The following ZFAT variants were observed in gnomAD, a reference collection of about 807,000 sequenced individuals.
ZFAT encodes the protein zinc finger protein ZFAT.
ZFAT carries 64 observed loss-of-function variants against 117.7 expected under a neutral mutation model. The ratio of observed to expected loss-of-function variants is 0.54; its 90% CI spans 0.44 to 0.67. The LOEUF is 0.67. Among genes scored for constraint, ZFAT ranks in the 30% least tolerant of loss-of-function variants. The pLI is 0.00. For synonymous variants in ZFAT, 679 were observed against 615.0 expected (o/e 1.10, Z -1.54); for missense variants, 1,433 against 1,584.5 (o/e 0.90, Z 1.62).
At chr8:134,740,867 A>C in the ZFAT span, among the ~76,000 whole-genome samples, 6 of 152,284 alleles carry the variant, frequency 3.9e-5, no homozygotes, top group East Asian at 1.2e-3. Context: ...GAGCCCCATA[A>C]CATAAGATGA....
chr8:134,546,755 T>C (rs1822728212), intron 11 of ZFAT, among the ~76,000 whole-genome samples: 1 of 152,242 alleles, frequency 6.6e-6, no homozygotes, highest in South Asian at 2.1e-4. Flanking sequence ...AATCTAGCTC[T>C]ACTGTCTAAC....
intron 15 of ZFAT, among the ~76,000 whole-genome samples, chr8:134,498,024 T>C (rs1187729667): frequency 7.5e-6 from 1 of 132,628 alleles, no homozygotes; most frequent in African/African-American, 3.0e-5. Context: ...TTTGGTAGGG[T>C]TGGGGTGGAG....
chr8:134,496,481 T>C lies in ZFAT; in HGVS notation c.3492+13138A>G, dbSNP rs966129320. On this transcript the variant is annotated intron_variant, in intron 15 of 15. Coordinates refer to ENST00000377838, the MANE Select transcript of ZFAT (RefSeq NM_020863.4). ...CTCTGTCCCAGAGGCCTGCAGCTCC[T>C]GTGGTAGGGTATGCACTGCCAGCCT... 7.9e-4 allele frequency among the ~76,000 whole-genome samples: 120 copies of C among 152,232 alleles called. 2 individuals carry two copies. The highest frequency in any genetic ancestry group is 2.7e-3 in the African/African-American group (114 of 41,456).
chr8:134,610,777 G>T, intron 3 of ZFAT, 122 bp from the exon 4 acceptor site: 2 of 1,102,376 alleles, frequency 1.8e-6, no homozygotes, highest in Admixed American at 4.9e-5. Context: ...GCAGTGCCAC[G>T]CAGACCACGG....
At position 134,501,062 on chromosome 8, in the gene ZFAT, T is replaced by C. The variant is rs144255817; in HGVS notation, c.3492+8557A>G. Reference sequence around the variant, plus strand: ...GTTGTCATTACAGTAAGGGCTAGGATATAGGGAAAAAAACAAAGTCATCAG... The same window carrying C: ...GTTGTCATTACAGTAAGGGCTAGGACATAGGGAAAAAAACAAAGTCATCAG... On this transcript the variant is annotated intron_variant, in intron 15 of 15. Coordinates refer to ENST00000377838, the MANE Select transcript of ZFAT (RefSeq NM_020863.4). Among the ~76,000 whole-genome samples, 220 of 152,200 alleles carry C rather than the reference T, an allele frequency of 1.4e-3. 7 individuals carry two copies. In the East Asian group the frequency reaches 0.035, roughly 24 times the overall value.
intron 3 of ZFAT, among the ~76,000 whole-genome samples, chr8:134,621,121 C>T (rs1217677652): frequency 6.6e-6 from 1 of 150,614 alleles, no homozygotes; most frequent in East Asian, 1.9e-4. Flanking sequence ...AGATCAATAG[C>T]TGAAATCTGT....
chr8:134,531,861 A>G lies in ZFAT; in HGVS notation c.3115+973T>C, dbSNP rs115573969. Among the ~76,000 whole-genome samples, 1,242 of 152,356 alleles carry G rather than the reference A, an allele frequency of 8.2e-3. 18 individuals carry two copies. Among genetic ancestry groups the G allele is most frequent in the African/African-American group, 0.028 (1,184 of 41,582 alleles). The stretch of plus-strand genomic sequence containing the variant: ...CATTAAGATGCATTTCATGGCTATT[A>G]CAGCGAGCGGAGCTTCACGCTGAAA... On this transcript the variant is annotated intron_variant, in intron 12 of 15. Coordinates refer to ENST00000377838, the MANE Select transcript of ZFAT (RefSeq NM_020863.4).
At chr8:134,573,179 G>A (rs1825053599) in intron 10 of ZFAT, among the ~76,000 whole-genome samples, 1 of 152,178 alleles carries the variant, frequency 6.6e-6, no homozygotes, top group South Asian at 2.1e-4. Flanking sequence ...CAGTTACACA[G>A]GTGTGCCTCC....
chr8:134,684,244 A>T (rs1833207498), intron 1 of ZFAT, among the ~76,000 whole-genome samples: 1 of 152,172 alleles, frequency 6.6e-6, no homozygotes, highest in Non-Finnish European at 1.5e-5. Flanking sequence ...AGTGGATGAC[A>T]ATTAGTGTGA....
At chr8:134,665,636 G>A (rs1832174894) in intron 1 of ZFAT, among the ~76,000 whole-genome samples, 1 of 152,182 alleles carries the variant, frequency 6.6e-6, no homozygotes, top group South Asian at 2.1e-4. Context: ...CAAAACAGCA[G>A]TCTATAGAAT....
At chr8:134,828,932 G>A in the ZFAT span, among the ~76,000 whole-genome samples, 6 of 152,158 alleles carry the variant, frequency 3.9e-5, no homozygotes, top group African/African-American at 9.7e-5. Context: ...TCAAGGTAAC[G>A]GTTTTTACTG....
At chr8:134,480,398 T>C (rs1817215783) in intron 15 of ZFAT, among the ~76,000 whole-genome samples, 1 of 152,238 alleles carries the variant, frequency 6.6e-6, no homozygotes, top group Non-Finnish European at 1.5e-5. Flanking sequence ...GGCAGGACCA[T>C]GTCTGCCTGG....
At chr8:134,528,670 C>A (rs1394049127) in intron 12 of ZFAT, among the ~76,000 whole-genome samples, 1 of 152,172 alleles carries the variant, frequency 6.6e-6, no homozygotes, top group East Asian at 1.9e-4. Flanking sequence ...AGTTACCCAC[C>A]CTTACACTTC....
chr8:134,678,640 A>C (rs1175475794), intron 1 of ZFAT, among the ~76,000 whole-genome samples: 1 of 152,214 alleles, frequency 6.6e-6, no homozygotes, highest in Non-Finnish European at 1.5e-5. Context: ...AATCCTAAGC[A>C]AAAAGAACAA....
intron 12 of ZFAT, among the ~76,000 whole-genome samples, chr8:134,531,016 A>C (rs951303733): frequency 4.6e-5 from 7 of 152,150 alleles, no homozygotes; most frequent in African/African-American, 1.7e-4. Flanking sequence ...GTGAATATAT[A>C]TCTGTGTGTG....
the ZFAT span, chr8:134,723,947 A>G: frequency 4.6e-5 from 7 of 152,268 alleles, no homozygotes; most frequent in African/African-American, 9.6e-5. Context: ...GTCTCACATA[A>G]AAGAGGTGAT....
At chr8:134,819,871 A>G in the ZFAT span, among the ~76,000 whole-genome samples, 1 of 145,982 alleles carries the variant, frequency 6.9e-6, no homozygotes, top group Non-Finnish European at 1.5e-5. Flanking sequence ...CGGGGGGAAG[A>G]AAAAAAAAAA....
chr8:134,669,708 A>C (rs193114600), intron 1 of ZFAT, among the ~76,000 whole-genome samples: 12 of 152,326 alleles, frequency 7.9e-5, no homozygotes, highest in African/African-American at 2.6e-4. Context: ...CGAGCAAAAT[A>C]ACCAGCTAAC....
chr8:134,793,361 T>C, the ZFAT span: 5 of 152,198 alleles, frequency 3.3e-5, no homozygotes, highest in Non-Finnish European at 2.9e-5. Context: ...CAATATACTA[T>C]TAAGACTTGA....
Sources: gnomAD v4.1 joint callset for allele counts (sites outside exome capture counted in the v4.1 genomes callset) on GRCh38, gnomAD v4.1.1 for gene constraint, MANE v1.5 for transcripts, NCBI Gene and HGNC (gene_info 2026-07-23, HGNC 2026-07-21) for gene names.